Variants in MAGI2 observed in about 807,000 individuals in gnomAD.
The protein encoded by MAGI2 is membrane-associated guanylate kinase, WW and PDZ domain-containing protein 2.
In MAGI2, 35 loss-of-function variants were observed where a neutral mutation model predicts 133.3. The ratio of observed to expected loss-of-function variants is 0.26; its 90% CI spans 0.20 to 0.35. MAGI2 has a LOEUF of 0.35. Among genes scored for constraint, MAGI2 ranks in the 10% least tolerant of loss-of-function variants. MAGI2 has a pLI of 1.00. For synonymous variants in MAGI2, 729 were observed against 710.6 expected (o/e 1.03, Z -0.41); for missense variants, 1,636 against 1,863.4 (o/e 0.88, Z 2.25).
chr7:78,677,925 TG>T (rs1359804907), intron 2 of MAGI2, among the ~76,000 whole-genome samples: 1 of 152,004 alleles, frequency 6.6e-6, no homozygotes, highest in African/African-American at 2.4e-5. Context: ...GGGCACAGAC[TG>T]AACCAAAAAA....
In MAGI2 at chr7:78,912,746, TTC is replaced by T. The variant is rs984493565; in HGVS notation, c.418+94342_418+94343del. On this transcript the variant is annotated intron_variant, in intron 2 of 21. Transcript: ENST00000354212. ...ATATATATCATTCATATATATATCA[TTC>T]ATATATATATATATCATTCATATAT... 1.2e-3 allele frequency among the ~76,000 whole-genome samples: 171 copies of T among 145,788 alleles called. 1 individual carries two copies. Among genetic ancestry groups the T allele is most frequent in the African/African-American group, 4.4e-3 (170 of 39,080 alleles).
chr7:79,409,228 T>G (rs1000316248), intron 1 of MAGI2, among the ~76,000 whole-genome samples: 30 of 148,016 alleles, frequency 2.0e-4, no homozygotes, highest in African/African-American at 7.4e-4. Context: ...ATTAAAAAAA[T>G]TTTTTTTCAG....
chr7:79,211,495 T>C (rs1258205626), intron 1 of MAGI2, among the ~76,000 whole-genome samples: 2 of 151,502 alleles, frequency 1.3e-5, no homozygotes, highest in Non-Finnish European at 2.9e-5. Flanking sequence ...GGTCTCACTG[T>C]GCTGCCCAGG....
At chr7:78,463,847 A>G (rs1790335039) in intron 6 of MAGI2, among the ~76,000 whole-genome samples, 1 of 152,186 alleles carries the variant, frequency 6.6e-6, no homozygotes, top group African/African-American at 2.4e-5. Context: ...TAGACTCTAA[A>G]AAGAGTTAAA....
chr7:79,131,561 G>C (rs1820938811), intron 1 of MAGI2, among the ~76,000 whole-genome samples: 1 of 152,178 alleles, frequency 6.6e-6, no homozygotes, highest in African/African-American at 2.4e-5. Context: ...TTACAGATGA[G>C]GAAACTGAAG....
chr7:79,007,013 T>C, intron 2 of MAGI2, 77 bp downstream of exon 2: 1 of 1,107,962 alleles, frequency 9.0e-7, no homozygotes, highest in Non-Finnish European at 1.3e-6. Flanking sequence ...GCAATTTCAC[T>C]TTCTTTTAAT....
intron 1 of MAGI2, among the ~76,000 whole-genome samples, chr7:79,029,432 C>G (rs998272158): frequency 1.3e-5 from 2 of 151,828 alleles, no homozygotes; most frequent in African/African-American, 4.8e-5. Context: ...TAAAATAAGA[C>G]CCCCCCAAAC....
Position 78,119,052 on chromosome 7 carries a change from C to A in MAGI2, c.3567+6642G>T, listed in dbSNP as rs1008409872. On this transcript the variant is annotated intron_variant, in intron 20 of 21. Transcript: ENST00000354212. ...ATACTACTAAGTGAAAGAAGTCCATCTGAAAAGGCTACTACATACTGTATG... is the reference window on the plus strand; with the variant it reads ...ATACTACTAAGTGAAAGAAGTCCATATGAAAAGGCTACTACATACTGTATG... 2.6e-5 allele frequency among the ~76,000 whole-genome samples: 4 copies of A among 152,162 alleles called. No homozygotes were observed. The East Asian group carries it at 5.8e-4, about 22-fold the overall frequency.
chr7:79,224,126 C>A (rs778183154), intron 1 of MAGI2, among the ~76,000 whole-genome samples: 5 of 152,044 alleles, frequency 3.3e-5, no homozygotes, highest in African/African-American at 4.8e-5. Flanking sequence ...TAGGTACTAT[C>A]ATAGGATCCT....
intron 2 of MAGI2, among the ~76,000 whole-genome samples, chr7:78,658,296 C>T (rs1260932900): frequency 4.8e-5 from 7 of 146,792 alleles, no homozygotes; most frequent in African/African-American, 1.0e-4. Flanking sequence ...TTTTAAAAAA[C>T]GACTTTGGCC....
intron 1 of MAGI2, among the ~76,000 whole-genome samples, chr7:79,172,668 CATATT>C (rs1228870182): frequency 1.3e-5 from 2 of 151,924 alleles, no homozygotes; most frequent in African/African-American, 2.4e-5. Flanking sequence ...ATTTATGTAA[CATATT>C]AAAGAATATA....
chr7:78,234,832 G>A (rs1401018847), intron 10 of MAGI2, among the ~76,000 whole-genome samples: 1 of 152,054 alleles, frequency 6.6e-6, no homozygotes, highest in Non-Finnish European at 1.5e-5. Context: ...AACTTTAATT[G>A]CACCCAGTCC....
chr7:79,238,465 T>C lies in MAGI2; in HGVS notation c.301+214555A>G, dbSNP rs76132968. On this transcript the variant is annotated intron_variant, in intron 1 of 21. Transcript: ENST00000354212. ...CATCAAAGCCATGTTTATAAACTAG[T>C]ATTATGGCAGGACATATACGTCAAG... is the stretch of plus-strand genomic sequence containing the variant. Among the ~76,000 whole-genome samples, 322 of 152,284 alleles carry C rather than the reference T, an allele frequency of 2.1e-3. 1 individual carries two copies. Among genetic ancestry groups the C allele is most frequent in the African/African-American group, 7.1e-3 (297 of 41,556 alleles).
intron 9 of MAGI2, among the ~76,000 whole-genome samples, chr7:78,342,041 A>G (rs1202229103): frequency 6.6e-6 from 1 of 152,202 alleles, no homozygotes; most frequent in African/African-American, 2.4e-5. Context: ...GAATGGGAGA[A>G]AGTTTTTGCA....
intron 2 of MAGI2, among the ~76,000 whole-genome samples, chr7:78,686,159 A>G (rs1180290754): frequency 6.6e-6 from 1 of 151,910 alleles, no homozygotes; most frequent in Non-Finnish European, 1.5e-5. Flanking sequence ...AGGGGAAAAA[A>G]CAACAATGAG....
chr7:78,247,058 T>C (rs2150925658), intron 10 of MAGI2, among the ~76,000 whole-genome samples: 1 of 152,330 alleles, frequency 6.6e-6, no homozygotes, highest in South Asian at 2.1e-4. Flanking sequence ...ACAGCTGCTC[T>C]GACACCTGTG....
chr7:79,258,342 G>A (rs1258761967), intron 1 of MAGI2, among the ~76,000 whole-genome samples: 2 of 152,132 alleles, frequency 1.3e-5, no homozygotes, highest in East Asian at 1.9e-4. Flanking sequence ...GGGATAGTCA[G>A]TGCACATCTA....
At chr7:78,818,102 G>C (rs1789769143) in intron 2 of MAGI2, among the ~76,000 whole-genome samples, 1 of 152,124 alleles carries the variant, frequency 6.6e-6, no homozygotes, top group African/African-American at 2.4e-5. Context: ...AAATAAATCT[G>C]CATAGTTTTT....
At chr7:78,804,760 A>AC (rs1788401480) in intron 2 of MAGI2, among the ~76,000 whole-genome samples, 2 of 136,682 alleles carry the variant, frequency 1.5e-5, no homozygotes, top group African/African-American at 3.1e-5. Context: ...AAAAAAAAAA[A>AC]AAAAAAAAAA....
Sources: allele counts gnomAD v4.1 joint callset (sites outside exome capture counted in the v4.1 genomes callset), GRCh38; gene constraint gnomAD v4.1.1; transcripts MANE v1.5; gene names NCBI Gene and HGNC (gene_info 2026-07-23, HGNC 2026-07-21).